Variants in NR2F1-AS1 observed in about 807,000 individuals in gnomAD.
NR2F1-AS1 encodes the protein NR2F1 regulatory antisense RNA 1, also known as NR2F1 antisense RNA 1.
chr5:93,499,579 A>G (rs948544352), intron 4 of NR2F1-AS1, among the ~76,000 whole-genome samples: 3 of 152,156 alleles, frequency 2.0e-5, no homozygotes, highest in Non-Finnish European at 4.4e-5. Flanking sequence ...ACCAACCAGC[A>G]GTTCCTCTAT....
At chr5:93,512,555 C>T (rs1181140214) in intron 4 of NR2F1-AS1, among the ~76,000 whole-genome samples, 1 of 152,110 alleles carries the variant, frequency 6.6e-6, no homozygotes, top group Non-Finnish European at 1.5e-5. Flanking sequence ...ATAAAGTCTA[C>T]AGTACTATAC....
At chr5:93,422,287 GC>G (rs1413341759) in intron 4 of NR2F1-AS1, 2 of 152,310 alleles carry the variant, frequency 1.3e-5, no homozygotes, top group East Asian at 3.8e-4. Flanking sequence ...GACTCACTCA[GC>G]TAAGTGCTTG....
At chr5:93,455,837 A>ACACATG (rs1403052330) in intron 4 of NR2F1-AS1, among the ~76,000 whole-genome samples, 2 of 144,286 alleles carry the variant, frequency 1.4e-5, no homozygotes, top group African/African-American at 5.7e-5. Context: ...TTAACTACAC[A>ACACATG]CACACGCACA....
At chr5:93,577,991 T>C (rs1752933559) in intron 1 of NR2F1-AS1, among the ~76,000 whole-genome samples, 1 of 152,228 alleles carries the variant, frequency 6.6e-6, no homozygotes, top group African/African-American at 2.4e-5. Context: ...ACAAGGCCAC[T>C]TTTGTTCAGT....
intron 4 of NR2F1-AS1, among the ~76,000 whole-genome samples, chr5:93,436,107 A>G (rs1388341654): frequency 6.6e-6 from 1 of 152,232 alleles, no homozygotes; most frequent in Non-Finnish European, 1.5e-5. Context: ...GATCAAGTAG[A>G]ACTATTTGTC....
At chr5:93,418,030 C>T (rs1749004176) in intron 4 of NR2F1-AS1, among the ~76,000 whole-genome samples, 1 of 152,160 alleles carries the variant, frequency 6.6e-6, no homozygotes, top group Non-Finnish European at 1.5e-5. Context: ...GAAAGAGCTG[C>T]CACATGCCTC....
intron 4 of NR2F1-AS1, among the ~76,000 whole-genome samples, chr5:93,479,577 TG>T (rs1360127218): frequency 6.6e-6 from 1 of 152,188 alleles, no homozygotes; most frequent in Admixed American, 6.5e-5. Context: ...TTTCCAAAAT[TG>T]CCACATTACG....
intron 4 of NR2F1-AS1, among the ~76,000 whole-genome samples, chr5:93,472,060 G>T (rs1302842187): frequency 6.6e-6 from 1 of 151,714 alleles, no homozygotes; most frequent in Non-Finnish European, 1.5e-5. Context: ...CATTTTCAGA[G>T]GAGGGAACTG....
At chr5:93,581,243 G>T (rs1239760618), upstream of NR2F1-AS1, 1 of 152,608 alleles carries the variant, frequency 6.6e-6, no homozygotes, top group South Asian at 1.9e-4. Context: ...CTCGCGAGTC[G>T]AGGGGCGGGC....
intron 1 of NR2F1-AS1, among the ~76,000 whole-genome samples, chr5:93,572,790 C>G (rs1277607120): frequency 6.6e-6 from 1 of 152,254 alleles, no homozygotes; most frequent in Non-Finnish European, 1.5e-5. Flanking sequence ...TTATCCCCAT[C>G]AATTAACCAC....
At chr5:93,576,968 T>A (rs1368645219) in intron 1 of NR2F1-AS1, among the ~76,000 whole-genome samples, 1 of 152,256 alleles carries the variant, frequency 6.6e-6, no homozygotes, top group African/African-American at 2.4e-5. Context: ...AACATAAAAG[T>A]CTTCAATTAT....
intron 4 of NR2F1-AS1, among the ~76,000 whole-genome samples, chr5:93,536,172 G>A (rs1751835695): frequency 6.6e-6 from 1 of 151,774 alleles, no homozygotes; most frequent in African/African-American, 2.4e-5. Context: ...AAAAAACATA[G>A]AAAACAATTC....
chr5:93,464,670 C>A (rs1750186152), intron 4 of NR2F1-AS1, among the ~76,000 whole-genome samples: 1 of 152,122 alleles, frequency 6.6e-6, no homozygotes, highest in South Asian at 2.1e-4. Context: ...AGCTATGGCC[C>A]AATAGGGCCT....
chr5:93,413,685 C>A (rs996760142), intron 4 of NR2F1-AS1, among the ~76,000 whole-genome samples: 3 of 152,084 alleles, frequency 2.0e-5, no homozygotes, highest in African/African-American at 7.2e-5. Flanking sequence ...ACAAGAAACA[C>A]GTGGGCAAGG....
At chr5:93,479,033 T>C (rs1424740132) in intron 4 of NR2F1-AS1, among the ~76,000 whole-genome samples, 1 of 152,162 alleles carries the variant, frequency 6.6e-6, no homozygotes, top group African/African-American at 2.4e-5. Context: ...AACTCAAGTC[T>C]AGCTGAACAT....
chr5:93,432,283 C>T (rs1749343294), intron 4 of NR2F1-AS1: 2 of 152,080 alleles, frequency 1.3e-5, no homozygotes, highest in Non-Finnish European at 2.9e-5. Context: ...AATGAAAACA[C>T]CAGTCAAAAA....
intron 4 of NR2F1-AS1, among the ~76,000 whole-genome samples, chr5:93,467,719 T>C (rs939986535): frequency 2.0e-4 from 31 of 152,286 alleles, no homozygotes; most frequent in African/African-American, 6.7e-4. Flanking sequence ...GGTACATGTG[T>C]ACAATGTGCA....
chr5:93,556,134 C>T (rs1033798139), intron 2 of NR2F1-AS1, among the ~76,000 whole-genome samples: 1 of 152,146 alleles, frequency 6.6e-6, no homozygotes, highest in African/African-American at 2.4e-5. Context: ...TTCTGTAGCA[C>T]TCTCTGGCCC....
intron 4 of NR2F1-AS1, among the ~76,000 whole-genome samples, chr5:93,477,041 C>T (rs1236050050): frequency 6.6e-6 from 1 of 152,114 alleles, no homozygotes; most frequent in Admixed American, 6.5e-5. Flanking sequence ...AAATCATGTT[C>T]TGTTTCCCAA....
Sources: gnomAD v4.1 joint callset for allele counts (sites outside exome capture counted in the v4.1 genomes callset) on GRCh38, gnomAD v4.1.1 for gene constraint, MANE v1.5 for transcripts, NCBI Gene and HGNC (gene_info 2026-07-23, HGNC 2026-07-21) for gene names.